PCDH15: variants seen among roughly 807,000 people sequenced by gnomAD.
The protein encoded by PCDH15 is protocadherin related 15.
In PCDH15, 129 loss-of-function variants were observed where a neutral mutation model predicts 178.5. The ratio of observed to expected loss-of-function variants is 0.72; its 90% CI spans 0.63 to 0.84. PCDH15 has a LOEUF of 0.84. Among genes scored for constraint, PCDH15 ranks in the 40% least tolerant of loss-of-function variants. PCDH15 has a pLI of 0.00. For missense variants in PCDH15, 2,230 were observed against 2,099.9 expected (o/e 1.06, Z -1.21); for synonymous variants, 800 against 732.0 (o/e 1.09, Z -1.50).
At chr10:54,224,948 A>T (rs2053267911) in intron 9 of PCDH15, among the ~76,000 whole-genome samples, 1 of 152,208 alleles carries the variant, frequency 6.6e-6, no homozygotes, top group African/African-American at 2.4e-5. Flanking sequence ...TCATTTTCTT[A>T]TCGAAAATGT....
rs139698054 is a variant in PCDH15 at position 54,437,462 on chromosome 10, G to A, written c.158-58520C>T. Among the ~76,000 whole-genome samples, 244 of 152,272 alleles carry A rather than the reference G, an allele frequency of 1.6e-3. 1 individual carries two copies. The highest frequency in any genetic ancestry group is 5.3e-3 in the African/African-American group (219 of 41,562). On this transcript the variant is annotated intron_variant, in intron 3 of 37. Coordinates refer to ENST00000644397, the MANE Select transcript of PCDH15 (RefSeq NM_001384140.1). ...ACAGCCATATCCTAGGCTATTAAAT[G>A]TTATAAGTATTAGTAGTAGCAGTAT...
intron 29 of PCDH15, among the ~76,000 whole-genome samples, chr10:53,836,218 C>A (rs1032217651): frequency 1.3e-5 from 2 of 152,078 alleles, no homozygotes; most frequent in Non-Finnish European, 1.5e-5. Flanking sequence ...GCACCCAAGA[C>A]CCCCTGTAAA....
intron 21 of PCDH15, among the ~76,000 whole-genome samples, chr10:53,986,174 A>G (rs2091086661): frequency 6.6e-6 from 1 of 150,928 alleles, no homozygotes; most frequent in Non-Finnish European, 1.5e-5. Context: ...TCAAAAAAAA[A>G]CAACAACATA....
chr10:54,514,882 T>C (rs910527212), intron 3 of PCDH15, among the ~76,000 whole-genome samples: 1 of 152,120 alleles, frequency 6.6e-6, no homozygotes, highest in Non-Finnish European at 1.5e-5. Flanking sequence ...AAGAAAACAT[T>C]TGTTATAATA....
intron 2 of PCDH15, among the ~76,000 whole-genome samples, chr10:55,398,039 T>C (rs778652024): frequency 1.3e-5 from 2 of 152,178 alleles, no homozygotes; most frequent in Non-Finnish European, 2.9e-5. Flanking sequence ...ATTATTTTTG[T>C]TTGTTGACAT....
chr10:54,642,516 A>G (rs2094015017), intron 2 of PCDH15, among the ~76,000 whole-genome samples: 1 of 152,166 alleles, frequency 6.6e-6, no homozygotes, highest in Admixed American at 6.5e-5. Flanking sequence ...AGCAGATAGT[A>G]GAGACCTTAA....
chr10:54,451,839 A>C (rs1449876966), intron 3 of PCDH15, among the ~76,000 whole-genome samples: 1 of 151,956 alleles, frequency 6.6e-6, no homozygotes, highest in Non-Finnish European at 1.5e-5. Context: ...CTGATTATGC[A>C]ACTTTTTGTA....
At chr10:54,420,300 A>T (rs1589306869) in intron 3 of PCDH15, among the ~76,000 whole-genome samples, 2 of 152,160 alleles carry the variant, frequency 1.3e-5, no homozygotes, top group South Asian at 2.1e-4. Context: ...ATTTTACTTC[A>T]TGAGAAATGC....
At chr10:54,992,884 G>A (rs900219820) in intron 2 of PCDH15, among the ~76,000 whole-genome samples, 1 of 152,134 alleles carries the variant, frequency 6.6e-6, no homozygotes, top group Non-Finnish European at 1.5e-5. Flanking sequence ...AGAGATAAGG[G>A]TCTCACAGAC....
At chr10:55,293,454 C>G (rs539264061) in intron 1 of PCDH15, among the ~76,000 whole-genome samples, 1 of 152,190 alleles carries the variant, frequency 6.6e-6, no homozygotes, top group Non-Finnish European at 1.5e-5. Context: ...ACTTGAATTT[C>G]TCCTCAGAAA....
At chr10:54,095,453 A>G (rs2094684415) in intron 15 of PCDH15, among the ~76,000 whole-genome samples, 1 of 151,936 alleles carries the variant, frequency 6.6e-6, no homozygotes, top group African/African-American at 2.4e-5. Context: ...TAGAATATAC[A>G]TATAACATAT....
At chr10:55,388,818 A>G (rs1024960241) in intron 2 of PCDH15, among the ~76,000 whole-genome samples, 6 of 152,126 alleles carry the variant, frequency 3.9e-5, no homozygotes, top group African/African-American at 1.4e-4. Flanking sequence ...GGATAGAGCA[A>G]TAACATTTAG....
chr10:53,998,877 CTG>C lies in PCDH15; in HGVS notation c.2752-3114_2752-3113del, dbSNP rs371611352. On this transcript the variant is annotated intron_variant, in intron 20 of 37. Coordinates refer to ENST00000644397, the MANE Select transcript of PCDH15 (RefSeq NM_001384140.1). ...GACCAGCCTGGCCAACATGGCGAAA[CTG>C]TGTCTCTACTAAAAATACAACAATA... 8.9e-3 allele frequency among the ~76,000 whole-genome samples: 1,348 copies of C among 151,938 alleles called. 15 individuals are homozygous for C. The highest frequency in any genetic ancestry group is 0.013 in the Non-Finnish European group (875 of 67,978).
At chr10:54,015,613 T>C (rs1221830753) in intron 20 of PCDH15, among the ~76,000 whole-genome samples, 1 of 152,132 alleles carries the variant, frequency 6.6e-6, no homozygotes, top group Non-Finnish European at 1.5e-5. Flanking sequence ...TATAAGCATC[T>C]GATGTACAAC....
intron 2 of PCDH15, among the ~76,000 whole-genome samples, chr10:55,019,922 G>A (rs1420082138): frequency 1.6e-5 from 2 of 127,856 alleles, no homozygotes; most frequent in Non-Finnish European, 3.4e-5. Context: ...TGCATTACTA[G>A]AAGGGAAGTA....
chr10:54,930,127 C>T (rs998398599), intron 2 of PCDH15, among the ~76,000 whole-genome samples: 4 of 152,154 alleles, frequency 2.6e-5, no homozygotes, highest in Admixed American at 2.6e-4. Context: ...CTCCATCTTT[C>T]CTTTTCCTTG....
chr10:55,258,112 A>C (rs567002778), intron 1 of PCDH15, among the ~76,000 whole-genome samples: 1 of 152,170 alleles, frequency 6.6e-6, no homozygotes. Context: ...GACAGGTAAA[A>C]TATGCCTAGA....
intron 1 of PCDH15, among the ~76,000 whole-genome samples, chr10:55,298,324 T>C (rs1471879218): frequency 3.9e-5 from 6 of 152,206 alleles, no homozygotes; most frequent in Non-Finnish European, 7.3e-5. Flanking sequence ...TAGGAACAGC[T>C]AACCAATTTG....
intron 2 of PCDH15, among the ~76,000 whole-genome samples, chr10:54,983,602 TCA>T: frequency 6.6e-6 from 1 of 152,130 alleles, no homozygotes; most frequent in African/African-American, 2.4e-5. Flanking sequence ...CCAAAGTTTC[TCA>T]GTAAGAGTCT....
Sources: gnomAD v4.1 joint callset for allele counts (sites outside exome capture counted in the v4.1 genomes callset) on GRCh38, gnomAD v4.1.1 for gene constraint, MANE v1.5 for transcripts, NCBI Gene and HGNC (gene_info 2026-07-23, HGNC 2026-07-21) for gene names.